The following CCDC158 variants were observed in gnomAD, a reference collection of about 807,000 sequenced individuals.
CCDC158 encodes the protein coiled-coil domain-containing protein 158.
CCDC158 carries 116 observed loss-of-function variants against 138.6 expected under a neutral mutation model. The observed-to-expected ratio is 0.84, with a 90% CI of 0.72 to 0.98. The LOEUF (loss-of-function observed/expected upper bound fraction) is 0.98. Among genes scored for constraint, CCDC158 ranks in the 50% least tolerant of loss-of-function variants. The pLI is 0.00. For synonymous variants in CCDC158, 436 were observed against 442.4 expected (o/e 0.99, Z 0.18); for missense variants, 1,265 against 1,306.1 (o/e 0.97, Z 0.48).
At chr4:76,350,155 T>A (rs2110166910) in intron 18 of CCDC158, among the ~76,000 whole-genome samples, 1 of 152,366 alleles carries the variant, frequency 6.6e-6, no homozygotes, top group East Asian at 1.9e-4. Flanking sequence ...AATTTCAGTG[T>A]CCAGAGGGAA....
chr4:76,359,330 G>A (rs200029780), intron 13 of CCDC158, among the ~76,000 whole-genome samples: 1 of 152,180 alleles, frequency 6.6e-6, no homozygotes, highest in East Asian at 1.9e-4. Context: ...GTAGGATACT[G>A]CTCTACAGAT....
intron 15 of CCDC158, among the ~76,000 whole-genome samples, chr4:76,354,153 C>T (rs771073289): frequency 7.2e-6 from 1 of 137,942 alleles, no homozygotes; most frequent in African/African-American, 2.7e-5. Flanking sequence ...AGGCAGGCAT[C>T]TTTGTTGACA....
intron 3 of CCDC158, among the ~76,000 whole-genome samples, chr4:76,398,357 G>A (rs141213236): frequency 1.3e-5 from 2 of 152,108 alleles, no homozygotes; most frequent in African/African-American, 4.8e-5. Context: ...GTGTTCCCTG[G>A]TGTAGGCTGT....
chr4:76,415,353 G>C (rs997956711), intron 1 of CCDC158, among the ~76,000 whole-genome samples: 6 of 152,056 alleles, frequency 3.9e-5, no homozygotes, highest in African/African-American at 1.4e-4. Context: ...GAGCATAAAA[G>C]TTTGGAAAAT....
Position 76,334,179 on chromosome 4 carries a change from C to A in CCDC158, c.2665-12G>T. On this transcript the variant is annotated splice_polypyrimidine_tract_variant and intron_variant, in intron 18 of 24. Coordinates refer to ENST00000682701, the MANE Select transcript of CCDC158 (RefSeq NM_001394954.1). ...GCTTTTGTAGAGTGCTGAGTTAAAA[C>A]AATTTACAAAGACACTTATTTTTTC... is the stretch of plus-strand genomic sequence containing the variant. The A allele has an allele frequency of 6.5e-7, 1 of 1,527,138 alleles. No individual in the cohort carries two copies. Among genetic ancestry groups the A allele is most frequent in the Non-Finnish European group, 8.9e-7 (1 of 1,127,882 alleles). 94.6% of individuals were successfully genotyped at this position (1,527,138 alleles called of 1,614,324 possible). A position where few individuals can be genotyped will look rare whatever the true frequency, so the allele number is the denominator to read the frequency against.
intron 12 of CCDC158, among the ~76,000 whole-genome samples, chr4:76,362,816 G>A (rs1474130217): frequency 6.6e-6 from 1 of 152,168 alleles, no homozygotes; most frequent in African/African-American, 2.4e-5. Context: ...TTGTCTTCAT[G>A]TCCTCCTCTA....
At chr4:76,327,286 T>TA (rs1473756578) in intron 22 of CCDC158, among the ~76,000 whole-genome samples, 1 of 152,178 alleles carries the variant, frequency 6.6e-6, no homozygotes, top group African/African-American at 2.4e-5. Context: ...AAAGATTATT[T>TA]AAAAATTAAG....
intron 9 of CCDC158, among the ~76,000 whole-genome samples, chr4:76,372,193 C>T (rs945193212): frequency 6.6e-6 from 1 of 152,140 alleles, no homozygotes; most frequent in African/African-American, 2.4e-5. Flanking sequence ...GCCTGTAATC[C>T]TTTGGGAGGC....
At chr4:76,361,376 C>T (rs1320648567) in intron 13 of CCDC158, among the ~76,000 whole-genome samples, 3 of 152,120 alleles carry the variant, frequency 2.0e-5, no homozygotes, top group African/African-American at 7.2e-5. Flanking sequence ...TCCTGGCTAA[C>T]ACAGTGAAAC....
intron 10 of CCDC158, among the ~76,000 whole-genome samples, 176 bp from the exon 11 acceptor site, chr4:76,369,799 T>C (rs749810043): frequency 3.9e-5 from 6 of 152,226 alleles, no homozygotes; most frequent in Non-Finnish European, 8.8e-5. Flanking sequence ...AAGTTAACAT[T>C]TTGCTTAAAA....
At chr4:76,371,958 T>C (rs927980056) in intron 9 of CCDC158, among the ~76,000 whole-genome samples, 2 of 140,814 alleles carry the variant, frequency 1.4e-5, no homozygotes, top group Non-Finnish European at 3.1e-5. Flanking sequence ...AAAAAAAAAG[T>C]GTATTGTGAT....
intron 9 of CCDC158, among the ~76,000 whole-genome samples, chr4:76,373,518 A>C (rs1725437590): frequency 6.6e-6 from 1 of 152,176 alleles, no homozygotes; most frequent in Non-Finnish European, 1.5e-5. Context: ...TATGACTAAG[A>C]CTAACTTTTT....
At chr4:76,335,576 T>TTTTTG (rs571595123) in intron 18 of CCDC158, among the ~76,000 whole-genome samples, 210 of 152,172 alleles carry the variant, frequency 1.4e-3, no homozygotes, top group African/African-American at 4.8e-3. Flanking sequence ...ACATAAGGTT[T>TTTTTG]TTTTGTTTTG....
At chr4:76,383,587 G>T in intron 7 of CCDC158, 75 bp downstream of exon 7, 1 of 1,015,098 alleles carries the variant, frequency 9.9e-7, no homozygotes, top group Non-Finnish European at 1.6e-6. Context: ...TTTAGATTTT[G>T]GAATTGTGGC....
chr4:76,369,129 T>C (rs1456403892), intron 11 of CCDC158, among the ~76,000 whole-genome samples: 2 of 152,064 alleles, frequency 1.3e-5, no homozygotes, highest in East Asian at 3.9e-4. Flanking sequence ...GTAGGAGAAT[T>C]GCTTGAATCC....
intron 9 of CCDC158, among the ~76,000 whole-genome samples, chr4:76,378,039 C>A (rs1483453636): frequency 1.3e-5 from 2 of 152,146 alleles, no homozygotes; most frequent in African/African-American, 4.8e-5. Context: ...CTGTAAAGGA[C>A]CCACATCTAT....
chr4:76,316,587 T>A (rs532650530), intron 24 of CCDC158, among the ~76,000 whole-genome samples: 2 of 152,008 alleles, frequency 1.3e-5, no homozygotes, highest in African/African-American at 4.8e-5. Flanking sequence ...GATCTAGACA[T>A]TCAAATACAA....
At chr4:76,401,148 T>C (rs1238775858) in intron 3 of CCDC158, 1 of 269,346 alleles carries the variant, frequency 3.7e-6, no homozygotes, top group Non-Finnish European at 7.3e-6. Flanking sequence ...ACTACCTTCA[T>C]GTGCAGAAAA....
At chr4:76,362,527 A>G (rs1724249524) in intron 12 of CCDC158, among the ~76,000 whole-genome samples, 1 of 152,210 alleles carries the variant, frequency 6.6e-6, no homozygotes, top group Non-Finnish European at 1.5e-5. Flanking sequence ...GCATCAATAG[A>G]AAGTGGGAAA....
Sources: gnomAD v4.1 joint callset for allele counts (sites outside exome capture counted in the v4.1 genomes callset) on GRCh38, gnomAD v4.1.1 for gene constraint, MANE v1.5 for transcripts, NCBI Gene and HGNC (gene_info 2026-07-23, HGNC 2026-07-21) for gene names.